WIF1: variants seen among roughly 807,000 people sequenced by gnomAD.
WIF1 encodes the protein Wnt inhibitory factor 1.
In WIF1, 35 loss-of-function variants were observed where a neutral mutation model predicts 53.5. The observed-to-expected ratio is 0.65, with a 90% CI of 0.50 to 0.87. The LOEUF (loss-of-function observed/expected upper bound fraction) is 0.87, where lower values mean the gene tolerates loss of function less well. Ranked by LOEUF, WIF1 falls within the 40% of genes least tolerant of loss-of-function variation. The pLI is 0.00. For missense variants in WIF1, 467 were observed against 476.8 expected (o/e 0.98, Z 0.19); for synonymous variants, 171 against 170.4 (o/e 1.00, Z -0.03).
At chr12:65,113,944 G>T (rs1197870734) in intron 2 of WIF1, among the ~76,000 whole-genome samples, 1 of 152,070 alleles carries the variant, frequency 6.6e-6, no homozygotes, top group African/African-American at 2.4e-5. Flanking sequence ...CACCACTAAG[G>T]TATGACAGCA....
chr12:65,068,834 A>C lies in WIF1; in HGVS notation c.468T>G (p.Val156=). The C allele has an allele frequency of 6.2e-7, 1 of 1,613,772 alleles. No individual in the cohort carries two copies. The highest frequency in any genetic ancestry group is 1.3e-5 in the African/African-American group (1 of 75,026). Residue 156 remains valine, a synonymous_variant, in exon 4 of 10, where the codon GTT becomes GTG. Coordinates refer to ENST00000286574, the MANE Select transcript of WIF1 (RefSeq NM_007191.5). The part of the protein sequence containing the change: ...GVAAFEVDVI[V]MNSEGNTILQ... ...GAATGGTGTTGCCTTCAGAATTCAT[A>C]ACAATCACATCCACTTCAAATGCTG... is the stretch of plus-strand genomic sequence containing the variant.
At chr12:65,108,837 A>G (rs1294309443) in intron 2 of WIF1, among the ~76,000 whole-genome samples, 1 of 152,126 alleles carries the variant, frequency 6.6e-6, no homozygotes, top group African/African-American at 2.4e-5. Context: ...CCTTACATTT[A>G]TATTCTGAAA....
intron 2 of WIF1, among the ~76,000 whole-genome samples, chr12:65,100,813 G>T (rs143454530): frequency 6.6e-6 from 1 of 152,124 alleles, no homozygotes; most frequent in African/African-American, 2.4e-5. Flanking sequence ...TTGAGCCCAG[G>T]AGTTCAAGAC....
At chr12:65,056,164 G>T in intron 7 of WIF1, 38 bp from the exon 8 acceptor site, 1 of 1,584,154 alleles carries the variant, frequency 6.3e-7, no homozygotes, top group Non-Finnish European at 8.7e-7. Flanking sequence ...AAGGAACCTG[G>T]TGCTTCATTC....
chr12:65,079,652 G>C (rs1465339474), intron 2 of WIF1, among the ~76,000 whole-genome samples: 2 of 150,208 alleles, frequency 1.3e-5, no homozygotes, highest in African/African-American at 4.9e-5. Context: ...AGCGGAAGGA[G>C]AGTTGTGATG....
chr12:65,102,367 G>C (rs1242772401), intron 2 of WIF1, among the ~76,000 whole-genome samples: 1 of 152,166 alleles, frequency 6.6e-6, no homozygotes, highest in Non-Finnish European at 1.5e-5. Context: ...GTTCCAGTCT[G>C]ATGGCCCTTA....
intron 3 of WIF1, among the ~76,000 whole-genome samples, chr12:65,072,603 T>C (rs12302048): frequency 0.031 from 4,677 of 152,178 alleles, 246 homozygotes; most frequent in African/African-American, 0.11. Flanking sequence ...CACTTGCACT[T>C]CCACACATGC....
chr12:65,113,286 C>CA (rs965152049), intron 2 of WIF1, among the ~76,000 whole-genome samples: 114 of 152,322 alleles, frequency 7.5e-4, no homozygotes, highest in African/African-American at 2.6e-3. Flanking sequence ...ACTCAGTCCT[C>CA]AAAGTTTTTC....
intron 9 of WIF1, among the ~76,000 whole-genome samples, chr12:65,052,924 G>A (rs188024236): frequency 6.6e-5 from 10 of 152,280 alleles, no homozygotes; most frequent in Middle Eastern, 3.4e-3. Flanking sequence ...TCACTTGTGG[G>A]GATCACTGGG....
intron 2 of WIF1, among the ~76,000 whole-genome samples, chr12:65,081,457 TA>T (rs1284919362): frequency 1.3e-5 from 2 of 152,192 alleles, no homozygotes; most frequent in African/African-American, 4.8e-5. Context: ...GAATCTGTTA[TA>T]CTTAGCATCA....
chr12:65,110,930 G>A (rs1023092310), intron 2 of WIF1, among the ~76,000 whole-genome samples: 1 of 152,198 alleles, frequency 6.6e-6, no homozygotes, highest in African/African-American at 2.4e-5. Context: ...GGGAGTCAGG[G>A]GAAGCCTCTG....
intron 2 of WIF1, among the ~76,000 whole-genome samples, chr12:65,094,728 CCAAATGCAATAAATAAAGAGGGCACACAT>C (rs1175929540): frequency 6.6e-6 from 1 of 151,832 alleles, no homozygotes; most frequent in Non-Finnish European, 1.5e-5. Flanking sequence ...GTATATAAAA[CCAAATGCAATAAATAAAGAGGGCACACAT>C]CAAAGGAGTT....
chr12:65,113,962 G>C (rs73312852), intron 2 of WIF1, among the ~76,000 whole-genome samples: 24,361 of 152,056 alleles, frequency 0.16, 2,664 homozygotes, highest in African/African-American at 0.31. Flanking sequence ...GCAAACCCCA[G>C]GAGTGCAAAG....
intron 2 of WIF1, among the ~76,000 whole-genome samples, chr12:65,105,212 C>T (rs1389652178): frequency 6.6e-6 from 1 of 151,946 alleles, no homozygotes; most frequent in East Asian, 1.9e-4. Context: ...CAGGGACCCA[C>T]TAATGGGGAG....
intron 2 of WIF1, among the ~76,000 whole-genome samples, chr12:65,096,471 A>C (rs538920035): frequency 1.0e-3 from 159 of 152,328 alleles, no homozygotes; most frequent in African/African-American, 3.6e-3. Flanking sequence ...TTTCTCAAGG[A>C]TCTACAACCA....
chr12:65,109,392 C>T (rs960509472), intron 2 of WIF1, among the ~76,000 whole-genome samples: 2 of 152,142 alleles, frequency 1.3e-5, no homozygotes, highest in Non-Finnish European at 2.9e-5. Flanking sequence ...GTGGAAGTGC[C>T]CCCTCTGGAC....
chr12:65,112,419 C>T (rs1454267460), intron 2 of WIF1, among the ~76,000 whole-genome samples: 1 of 149,280 alleles, frequency 6.7e-6, no homozygotes, highest in Non-Finnish European at 1.5e-5. Flanking sequence ...CACACACACA[C>T]ACACACACAC....
intron 8 of WIF1, 133 bp from the exon 9 acceptor site, chr12:65,055,346 G>C: frequency 1.1e-6 from 1 of 914,610 alleles, no homozygotes; most frequent in Non-Finnish European, 1.6e-6. Flanking sequence ...TCCTAAGTCA[G>C]TCTCCAGTCA....
intron 9 of WIF1, among the ~76,000 whole-genome samples, chr12:65,052,840 C>T (rs1882461500): frequency 6.6e-6 from 1 of 152,128 alleles, no homozygotes; most frequent in African/African-American, 2.4e-5. Flanking sequence ...ACACGAGGGC[C>T]CCTAACTTGC....
Sources: allele counts gnomAD v4.1 joint callset (sites outside exome capture counted in the v4.1 genomes callset), GRCh38; gene constraint gnomAD v4.1.1; transcripts MANE v1.5; gene names NCBI Gene and HGNC (gene_info 2026-07-23, HGNC 2026-07-21).